Variants in C5orf22 observed in about 807,000 individuals in gnomAD.
The protein encoded by C5orf22 is UPF0489 protein C5orf22.
In C5orf22, 36 loss-of-function variants were observed where a neutral mutation model predicts 48.7. The ratio of observed to expected loss-of-function variants is 0.74; its 90% CI spans 0.57 to 0.98. C5orf22 has a LOEUF of 0.98. C5orf22 is among the 50% of genes least tolerant of loss of function. The pLI, the probability that C5orf22 is intolerant of heterozygous loss-of-function variation, is 0.00. For missense variants in C5orf22, 486 were observed against 521.9 expected, an observed-to-expected ratio of 0.93 and a Z score of 0.67; for synonymous variants, 141 against 180.8, an observed-to-expected ratio of 0.78 and a Z score of 1.76.
intron 4 of C5orf22, among the ~76,000 whole-genome samples, chr5:31,540,270 G>GC (rs1742372298): frequency 6.6e-6 from 1 of 152,130 alleles, no homozygotes; most frequent in African/African-American, 2.4e-5. Flanking sequence ...TAGCCCTTGG[G>GC]TATAACCTTT....
rs1241415945 is a variant in C5orf22 at position 31,551,484 on chromosome 5, C to A, written c.1199+52C>A. The stretch of plus-strand genomic sequence containing the variant: ...AAATCAGAGATGTGCACATCCTAAT[C>A]TCTGGAACCTGTGAATATGTTACAT... On this transcript the variant is annotated intron_variant, in intron 8 of 8. Transcript: ENST00000325366. 3.6e-6 allele frequency: 5 copies of A among 1,371,708 alleles called. No homozygotes were observed. In the African/African-American group the frequency reaches 7.3e-5, roughly 20 times the overall value. 85.0% of individuals were successfully genotyped at this position (1,371,708 alleles called of 1,614,324 possible).
At chr5:31,535,264 T>G (rs1742004044) in intron 2 of C5orf22, among the ~76,000 whole-genome samples, 1 of 152,248 alleles carries the variant, frequency 6.6e-6, no homozygotes, top group Non-Finnish European at 1.5e-5. Context: ...CAATCACAAG[T>G]GCTTTTCCTT....
intron 5 of C5orf22, 28 bp downstream of exon 5, chr5:31,541,039 T>G (rs1742423793): frequency 1.3e-6 from 2 of 1,532,704 alleles, no homozygotes; most frequent in African/African-American, 1.4e-5. Flanking sequence ...CTTTGGGGTT[T>G]TATTCATTTA....
In C5orf22 at chr5:31,532,362, G is replaced by T. The variant is rs761571288; in HGVS notation, c.-31G>T. 1.9e-6 allele frequency: 3 copies of T among 1,612,496 alleles called. No individual in the cohort carries two copies. The East Asian group carries it at 6.7e-5, about 36-fold the overall frequency. ...TCCCGGGTCTTCTCCAGCTGCCACC[G>T]CTTTACTGCAAAACTGACGGGCGCA... On this transcript the variant is annotated 5_prime_UTR_variant, in exon 1 of 9. Transcript: ENST00000325366.
chr5:31,534,480 C>A (rs1194725836), intron 2 of C5orf22, 63 bp downstream of exon 2: 11 of 1,420,282 alleles, frequency 7.7e-6, no homozygotes, highest in Non-Finnish European at 1.1e-5. Context: ...AGATAATAAG[C>A]AATTATAGGA....
chr5:31,552,675 A>AT, intron 8 of C5orf22, 98 bp from the exon 9 acceptor site: 1 of 1,101,368 alleles, frequency 9.1e-7, no homozygotes, highest in East Asian at 2.4e-5. Context: ...GCACACCTTA[A>AT]TTTCTGTTTT....
chr5:31,546,728 C>T (rs1331148335), intron 7 of C5orf22, among the ~76,000 whole-genome samples: 12 of 152,040 alleles, frequency 7.9e-5, no homozygotes, highest in Admixed American at 7.9e-4. Flanking sequence ...TCGTGAGACT[C>T]ATTCACTATC....
intron 8 of C5orf22, among the ~76,000 whole-genome samples, chr5:31,552,362 G>C (rs1360507684): frequency 6.6e-6 from 1 of 152,022 alleles, no homozygotes; most frequent in East Asian, 1.9e-4. Context: ...GGAAAACCTC[G>C]ACCCTCATCA....
chr5:31,538,096 G>C, intron 3 of C5orf22, 164 bp from the exon 4 acceptor site: 1 of 607,040 alleles, frequency 1.6e-6, no homozygotes, highest in Non-Finnish European at 2.9e-6. Context: ...GTCCAGCTAA[G>C]AATTTGAGGA....
chr5:31,548,573 GC>G (rs1353929295), intron 7 of C5orf22: 1 of 450,626 alleles, frequency 2.2e-6, no homozygotes, highest in African/African-American at 2.0e-5. Flanking sequence ...TTTGGTCCAA[GC>G]CATTCAACAA....
At chr5:31,536,746 A>G (rs1742121778) in intron 3 of C5orf22, among the ~76,000 whole-genome samples, 2 of 152,196 alleles carry the variant, frequency 1.3e-5, no homozygotes, top group African/African-American at 4.8e-5. Flanking sequence ...TGTATAAGCT[A>G]TTTAACAATG....
intron 6 of C5orf22, among the ~76,000 whole-genome samples, chr5:31,544,974 ATT>A (rs11335471): frequency 0.066 from 9,464 of 142,426 alleles, 848 homozygotes; most frequent in African/African-American, 0.21. Context: ...CGTGTCCTTA[ATT>A]TTTTTTTTTT....
At chr5:31,533,246 G>A (rs1561316207) in intron 1 of C5orf22, among the ~76,000 whole-genome samples, 1 of 149,700 alleles carries the variant, frequency 6.7e-6, no homozygotes, top group Non-Finnish European at 1.5e-5. Flanking sequence ...GAGCTACTGC[G>A]CACGGCCCAT....
chr5:31,548,768 C>A, intron 7 of C5orf22: 1 of 295,940 alleles, frequency 3.4e-6, no homozygotes, highest in South Asian at 3.3e-5. Flanking sequence ...AAAGACATAC[C>A]CAAGACTGGG....
At position 31,532,381 on chromosome 5, in the gene C5orf22, G is replaced by A; in HGVS notation, c.-12G>A. On this transcript the variant is annotated 5_prime_UTR_variant, in exon 1 of 9. Coordinates refer to ENST00000325366, the MANE Select transcript of C5orf22 (RefSeq NM_018356.3). ...GCCACCGCTTTACTGCAAAACTGAC[G>A]GGCGCAAAAACATGAGTGACTCCGC... 1.9e-6 allele frequency: 3 copies of A among 1,613,846 alleles called. No individual in the cohort carries two copies. The highest frequency in any genetic ancestry group is 2.5e-6 in the Non-Finnish European group (3 of 1,179,894).
rs1357734288 is a variant in C5orf22 at position 31,554,392 on chromosome 5, A to T, written c.*1490A>T. The T allele has an allele frequency of 1.3e-5, 2 of 152,150 alleles. No homozygotes were observed. Among genetic ancestry groups the T allele is most frequent in the Non-Finnish European group, 2.9e-5 (2 of 68,022 alleles). The allele number at this position is 152,150 out of a possible 1,614,324, so 9.4% of individuals were successfully genotyped here. On this transcript the variant is annotated 3_prime_UTR_variant, in exon 9 of 9. Coordinates refer to ENST00000325366, the MANE Select transcript of C5orf22 (RefSeq NM_018356.3). ...GGCACCTGACCCCATTTTTCCAAGGATTCTATTTTCCAGTGAATTTTTGTC... is the reference window on the plus strand; with the variant it reads ...GGCACCTGACCCCATTTTTCCAAGGTTTCTATTTTCCAGTGAATTTTTGTC...
chr5:31,547,972 A>C (rs540676674), intron 7 of C5orf22, among the ~76,000 whole-genome samples: 9 of 152,186 alleles, frequency 5.9e-5, no homozygotes, highest in African/African-American at 2.2e-4. Flanking sequence ...CAGGCTGCAA[A>C]TTTTCCAAAC....
intron 7 of C5orf22, among the ~76,000 whole-genome samples, chr5:31,547,028 G>T (rs1358084448): frequency 6.6e-6 from 1 of 152,162 alleles, no homozygotes; most frequent in African/African-American, 2.4e-5. Flanking sequence ...TTCCACCTAT[G>T]AGCCTGTAAA....
At chr5:31,535,655 C>T in intron 2 of C5orf22, 89 bp from the exon 3 acceptor site, 1 of 1,018,620 alleles carries the variant, frequency 9.8e-7, no homozygotes, top group South Asian at 1.8e-5. Flanking sequence ...CACTTTGAGA[C>T]CTGTGGTCTT....
Sources: gnomAD v4.1 joint callset for allele counts (sites outside exome capture counted in the v4.1 genomes callset) on GRCh38, gnomAD v4.1.1 for gene constraint, MANE v1.5 for transcripts, NCBI Gene and HGNC (gene_info 2026-07-23, HGNC 2026-07-21) for gene names.